SUSD6: variants seen among roughly 807,000 people sequenced by gnomAD.
SUSD6 encodes the protein sushi domain containing 6, also known as sushi domain-containing protein 6.
A neutral mutation model predicts 28.4 loss-of-function variants in SUSD6; 16 were observed. That is an observed-to-expected ratio of 0.56 (90% CI 0.38 to 0.86). The LOEUF is 0.86. Among genes scored for constraint, SUSD6 ranks in the 40% least tolerant of loss-of-function variants. SUSD6 has a pLI of 0.00. For synonymous variants in SUSD6, 147 were observed against 159.6 expected (o/e 0.92, Z 0.59); for missense variants, 341 against 384.2 (o/e 0.89, Z 0.94).
chr14:69,630,996 A>G (rs1340758628), intron 1 of SUSD6, among the ~76,000 whole-genome samples: 1 of 152,198 alleles, frequency 6.6e-6, no homozygotes, highest in East Asian at 1.9e-4. Flanking sequence ...GGTGCCTGTG[A>G]CTTAAAGTGA....
At chr14:69,707,419 T>C (rs1039711653) in intron 4 of SUSD6, among the ~76,000 whole-genome samples, 3 of 152,202 alleles carry the variant, frequency 2.0e-5, no homozygotes, top group African/African-American at 4.8e-5. Flanking sequence ...GAAACAGATA[T>C]ATACTCTCAC....
intron 1 of SUSD6, among the ~76,000 whole-genome samples, chr14:69,634,757 C>A (rs1213159093): frequency 6.6e-6 from 1 of 152,202 alleles, no homozygotes; most frequent in Non-Finnish European, 1.5e-5. Context: ...TTATCCAAAA[C>A]ATGTCTTTAC....
At chr14:69,670,767 G>A (rs1208823162) in intron 2 of SUSD6, among the ~76,000 whole-genome samples, 1 of 152,266 alleles carries the variant, frequency 6.6e-6, no homozygotes, top group Non-Finnish European at 1.5e-5. Flanking sequence ...GCCAGTGGCA[G>A]GTACAGCCCG....
intron 1 of SUSD6, among the ~76,000 whole-genome samples, chr14:69,632,880 C>T (rs116859124): frequency 0.027 from 4,131 of 152,314 alleles, 128 homozygotes; most frequent in South Asian, 0.15. Context: ...GTGACCCGCC[C>T]TCCCAGTTCT....
chr14:69,631,883 A>G (rs557092299), intron 1 of SUSD6, among the ~76,000 whole-genome samples: 43 of 152,348 alleles, frequency 2.8e-4, no homozygotes, highest in Admixed American at 9.1e-4. Flanking sequence ...GTTTAAAGGT[A>G]CAGCATGACT....
chr14:69,682,947 CTTTTTTTTTTT>C (rs5809442), intron 2 of SUSD6, among the ~76,000 whole-genome samples: 4 of 62,672 alleles, frequency 6.4e-5, no homozygotes, highest in Admixed American at 2.1e-4. Flanking sequence ...TCCAAGAAGC[CTTTTTTTTTTT>C]TTTTTTTTTT....
chr14:69,656,773 C>T (rs1441780648), intron 1 of SUSD6, among the ~76,000 whole-genome samples: 1 of 152,232 alleles, frequency 6.6e-6, no homozygotes, highest in Non-Finnish European at 1.5e-5. Flanking sequence ...GACTTGACCA[C>T]AAGGTCATAA....
chr14:69,662,993 C>A (rs902182389), intron 2 of SUSD6, among the ~76,000 whole-genome samples: 2 of 152,144 alleles, frequency 1.3e-5, no homozygotes, highest in East Asian at 3.8e-4. Context: ...ACTTTTTATG[C>A]AGTTGATATT....
intron 1 of SUSD6, among the ~76,000 whole-genome samples, chr14:69,629,293 G>A (rs1885160392): frequency 6.6e-6 from 1 of 152,140 alleles, no homozygotes; most frequent in Non-Finnish European, 1.5e-5. Flanking sequence ...GGATGGACCA[G>A]AGGAGCCTGG....
At chr14:69,668,957 G>T (rs1885787240) in intron 2 of SUSD6, among the ~76,000 whole-genome samples, 1 of 150,834 alleles carries the variant, frequency 6.6e-6, no homozygotes. Flanking sequence ...AGAAGCACAT[G>T]CCACTATGCT....
At chr14:69,639,967 T>TTTTTG (rs1555343352) in intron 1 of SUSD6, among the ~76,000 whole-genome samples, 1 of 148,290 alleles carries the variant, frequency 6.7e-6, no homozygotes, top group African/African-American at 2.5e-5. Context: ...TTTTTTTTTT[T>TTTTTG]TTTTTTTTTT....
At chr14:69,628,456 T>C (rs1885147114) in intron 1 of SUSD6, among the ~76,000 whole-genome samples, 2 of 152,188 alleles carry the variant, frequency 1.3e-5, no homozygotes, top group South Asian at 4.1e-4. Flanking sequence ...TTAAGACATC[T>C]GTATTTAGCA....
chr14:69,676,280 C>T (rs1447648782), intron 2 of SUSD6, among the ~76,000 whole-genome samples: 1 of 151,992 alleles, frequency 6.6e-6, no homozygotes, highest in South Asian at 2.1e-4. Context: ...ACCTCAGACT[C>T]GGGGATACAA....
intron 4 of SUSD6, among the ~76,000 whole-genome samples, chr14:69,708,103 C>T (rs1886410152): frequency 6.6e-6 from 1 of 152,166 alleles, no homozygotes; most frequent in African/African-American, 2.4e-5. Flanking sequence ...AGCAGTATGG[C>T]TGAGTCAGAA....
chr14:69,681,021 C>T (rs1885990248), intron 2 of SUSD6, among the ~76,000 whole-genome samples: 1 of 152,142 alleles, frequency 6.6e-6, no homozygotes, highest in Non-Finnish European at 1.5e-5. Context: ...TGTTTTGCAG[C>T]CTAGTTCTTC....
At chr14:69,636,694 C>T (rs970385919) in intron 1 of SUSD6, among the ~76,000 whole-genome samples, 3 of 152,210 alleles carry the variant, frequency 2.0e-5, no homozygotes, top group African/African-American at 4.8e-5. Context: ...TGTTGGAGTT[C>T]CTGGAGGCTA....
chr14:69,672,227 G>A (rs540791086), intron 2 of SUSD6, among the ~76,000 whole-genome samples: 59 of 152,134 alleles, frequency 3.9e-4, no homozygotes, highest in Non-Finnish European at 7.9e-4. Context: ...CTATGGAATC[G>A]AAATCTAAAG....
chr14:69,616,891 C>T (rs1884967390), intron 1 of SUSD6, among the ~76,000 whole-genome samples: 1 of 151,942 alleles, frequency 6.6e-6, no homozygotes, highest in Admixed American at 6.6e-5. Context: ...ACATCTATCA[C>T]CATAATCTAA....
chr14:69,664,010 A>T (rs143102927), intron 2 of SUSD6, among the ~76,000 whole-genome samples: 5 of 148,802 alleles, frequency 3.4e-5, no homozygotes, highest in African/African-American at 7.4e-5. Flanking sequence ...ATGGAATCTC[A>T]CTGTGTTGCC....
Sources: gnomAD v4.1 joint callset for allele counts (sites outside exome capture counted in the v4.1 genomes callset) on GRCh38, gnomAD v4.1.1 for gene constraint, MANE v1.5 for transcripts, NCBI Gene and HGNC (gene_info 2026-07-23, HGNC 2026-07-21) for gene names.